The following STAG2 variants were observed in gnomAD, a reference collection of about 807,000 sequenced individuals.
STAG2 encodes the protein STAG2 cohesin complex component, also known as cohesin subunit SA-2.
In STAG2, 14 loss-of-function variants were observed where a neutral mutation model predicts 108.1. The observed-to-expected ratio is 0.13, with a 90% CI of 0.09 to 0.20. The LOEUF is 0.20. STAG2 is among the 10% of genes least tolerant of loss of function. STAG2 has a pLI of 1.00. For synonymous variants in STAG2, 307 were observed against 302.7 expected, an observed-to-expected ratio of 1.01 and a Z score of -0.15; for missense variants, 440 against 940.9, an observed-to-expected ratio of 0.47 and a Z score of 6.96.
rs763227722 is a variant in STAG2 at position 123,997,115 on chromosome X, G to A, written c.-162-24252G>A. ...CATTGATCTGTCTTGATCACCATTCGCACTGTCTTACCGTAGCTTTATAGA... is the reference window on the plus strand; with the variant it reads ...CATTGATCTGTCTTGATCACCATTCACACTGTCTTACCGTAGCTTTATAGA... On this transcript the variant is annotated intron_variant, in intron 1 of 34. Coordinates refer to ENST00000371145, the MANE Select transcript of STAG2 (RefSeq NM_001042750.2). Among the ~76,000 whole-genome samples, 13 of 111,641 alleles carry A rather than the reference G, an allele frequency of 1.2e-4. No individual in the cohort carries two copies. The South Asian group carries it at 2.2e-3, about 19-fold the overall frequency.
chrX:123,960,941 A>G (rs2147411843), upstream of STAG2: 1 of 111,835 alleles, frequency 8.9e-6, no homozygotes, highest in Admixed American at 9.4e-5. Flanking sequence ...GCCCACCGTG[A>G]GGTGTGTATG....
chrX:124,054,303 C>G lies in STAG2; in HGVS notation c.1197-1825C>G, dbSNP rs999626068. Among the ~76,000 whole-genome samples, 5 of 111,945 alleles carry G rather than the reference C, an allele frequency of 4.5e-5. No homozygotes were observed. The Admixed American group carries it at 4.7e-4, about 11-fold the overall frequency. ...TGGATAATTTCATTTAATACTGCAG[C>G]TCAGTGAGATGGTAGTGGCTATTCC... On this transcript the variant is annotated intron_variant, in intron 13 of 34. Coordinates refer to ENST00000371145, the MANE Select transcript of STAG2 (RefSeq NM_001042750.2).
intron 1 of STAG2, among the ~76,000 whole-genome samples, chrX:124,006,469 C>T (rs1249876007): frequency 2.1e-5 from 2 of 96,680 alleles, no homozygotes; most frequent in East Asian, 3.3e-4. Flanking sequence ...GAGGGAGTCT[C>T]GCTCTGTTGC....
intron 3 of STAG2, 91 bp downstream of exon 3, chrX:124,022,762 G>A (rs1185770010): frequency 3.5e-6 from 2 of 574,947 alleles, no homozygotes; most frequent in Non-Finnish European, 5.3e-6. Flanking sequence ...CCTTCTGCTC[G>A]AGAAGATCTA....
intron 1 of STAG2, among the ~76,000 whole-genome samples, chrX:123,977,156 GTGA>G (rs1263760479): frequency 8.9e-5 from 10 of 111,740 alleles, no homozygotes; most frequent in African/African-American, 3.0e-4. Context: ...TTACACTGTA[GTGA>G]TGATAAAGTT....
chrX:123,979,245 C>A (rs959224511), intron 1 of STAG2, among the ~76,000 whole-genome samples: 4 of 111,068 alleles, frequency 3.6e-5, no homozygotes, highest in African/African-American at 1.3e-4. Context: ...AAAATAATAT[C>A]CCTTGCTTTG....
At chrX:123,987,036 A>G (rs931688915) in intron 1 of STAG2, among the ~76,000 whole-genome samples, 2 of 109,135 alleles carry the variant, frequency 1.8e-5, no homozygotes, top group African/African-American at 6.7e-5. Flanking sequence ...TCTGTCACCC[A>G]GGCTGGAGTG....
At chrX:124,029,912 T>A (rs1171235858) in intron 4 of STAG2, among the ~76,000 whole-genome samples, 1 of 111,483 alleles carries the variant, frequency 9.0e-6, no homozygotes, top group Non-Finnish European at 1.9e-5. Flanking sequence ...TTTTTATAGC[T>A]TAGGCATATA....
intron 1 of STAG2, among the ~76,000 whole-genome samples, chrX:123,990,836 G>T (rs1318470230): frequency 8.9e-6 from 1 of 111,766 alleles, no homozygotes; most frequent in Non-Finnish European, 1.9e-5. Flanking sequence ...GTTCCCTGGG[G>T]ACACCAGGCT....
intron 7 of STAG2, among the ~76,000 whole-genome samples, chrX:124,043,475 A>G (rs1352474549): frequency 2.7e-5 from 3 of 111,542 alleles, no homozygotes; most frequent in African/African-American, 9.8e-5. Context: ...CATTATCTGT[A>G]AAATGGGCCT....
At chrX:124,046,805 A>C (rs2057892510) in intron 8 of STAG2, among the ~76,000 whole-genome samples, 1 of 111,841 alleles carries the variant, frequency 8.9e-6, no homozygotes, top group Non-Finnish European at 1.9e-5. Flanking sequence ...TCACAGTTTC[A>C]TCAGTCATGT....
chrX:124,083,915 C>G (rs1262373294), intron 29 of STAG2, among the ~76,000 whole-genome samples: 1 of 111,661 alleles, frequency 9.0e-6, no homozygotes, highest in African/African-American at 3.3e-5. Flanking sequence ...GAACCACTGC[C>G]TGGCTGCTTT....
At chrX:124,003,807 T>C (rs1408894753) in intron 1 of STAG2, 1 of 112,105 alleles carries the variant, frequency 8.9e-6, no homozygotes, top group Non-Finnish European at 1.9e-5. Flanking sequence ...GGTGTTAATT[T>C]AGTAACTATA....
At chrX:124,025,724 T>A in intron 3 of STAG2, 116 bp from the exon 4 acceptor site, 2 of 440,604 alleles carry the variant, frequency 4.5e-6, no homozygotes, top group Non-Finnish European at 7.7e-6. Context: ...CTTATAATGC[T>A]AATATGAAGT....
chrX:124,097,179 C>CAAAAAA (rs56942682), intron 34 of STAG2, among the ~76,000 whole-genome samples: 6 of 38,186 alleles, frequency 1.6e-4, no homozygotes, highest in African/African-American at 6.2e-4. Context: ...GACCCTGTCT[C>CAAAAAA]AAAAAAAAAA....
At chrX:123,974,201 A>G (rs1386634012) in intron 1 of STAG2, among the ~76,000 whole-genome samples, 1 of 110,627 alleles carries the variant, frequency 9.0e-6, no homozygotes, top group Non-Finnish European at 1.9e-5. Context: ...AAACAAAGTT[A>G]AAAGAGCCCA....
At chrX:124,088,401 CAGAA>C (rs1459132216) in intron 30 of STAG2, among the ~76,000 whole-genome samples, 1 of 110,848 alleles carries the variant, frequency 9.0e-6, no homozygotes, top group African/African-American at 3.3e-5. Flanking sequence ...AATAAGTTAA[CAGAA>C]GGAAGTATGA....
intron 34 of STAG2, among the ~76,000 whole-genome samples, chrX:124,100,321 C>A (rs1008555771): frequency 3.6e-5 from 4 of 111,013 alleles, no homozygotes; most frequent in Non-Finnish European, 7.6e-5. Context: ...TACATATAAG[C>A]ATAATTAATC....
intron 3 of STAG2, among the ~76,000 whole-genome samples, chrX:124,025,226 G>A (rs997021056): frequency 3.6e-5 from 4 of 111,723 alleles, no homozygotes; most frequent in Non-Finnish European, 7.5e-5. Context: ...TACCAAAACT[G>A]TTCTCCTGAC....
Sources: gnomAD v4.1 joint callset for allele counts (sites outside exome capture counted in the v4.1 genomes callset) on GRCh38, gnomAD v4.1.1 for gene constraint, MANE v1.5 for transcripts, NCBI Gene and HGNC (gene_info 2026-07-23, HGNC 2026-07-21) for gene names.